Variants in CMSS1 observed in about 807,000 individuals in gnomAD.
The protein encoded by CMSS1 is protein CMSS1.
In CMSS1, 33 loss-of-function variants were observed where a neutral mutation model predicts 43.5. That is an observed-to-expected ratio of 0.76 (90% CI 0.57 to 1.01). The LOEUF (loss-of-function observed/expected upper bound fraction) is 1.01, where lower values mean the gene tolerates loss of function less well. Ranked by LOEUF, CMSS1 falls within the 50% of genes least tolerant of loss-of-function variation. The pLI, the probability that CMSS1 is intolerant of heterozygous loss-of-function variation, is 0.00. For missense variants in CMSS1, 313 were observed against 326.4 expected (o/e 0.96, Z 0.32); for synonymous variants, 115 against 117.2 (o/e 0.98, Z 0.12).
rs1462097998 is a variant in CMSS1, at chr3:99,999,256, G to A, written c.65-147717G>A. ...TGTGATAAGCTCTCACTGTAGCAAG[G>A]AGGAAAAAGAGGGGCACTGTCTCAT... On this transcript the variant is annotated intron_variant, in intron 1 of 9. Coordinates refer to ENST00000421999, the MANE Select transcript of CMSS1 (RefSeq NM_032359.4). 2.0e-5 allele frequency among the ~76,000 whole-genome samples: 3 copies of A among 152,184 alleles called. No individual in the cohort carries two copies. The East Asian group carries it at 5.8e-4, about 29-fold the overall frequency.
At chr3:100,134,744 G>A (rs919522166) in intron 1 of CMSS1, among the ~76,000 whole-genome samples, 23 of 152,040 alleles carry the variant, frequency 1.5e-4, no homozygotes, top group Admixed American at 7.9e-4. Flanking sequence ...GGAGGCTGCC[G>A]GCCACATGTA....
intron 1 of CMSS1, chr3:100,051,318 T>C (rs2065367914): frequency 6.6e-6 from 1 of 152,028 alleles, no homozygotes; most frequent in Non-Finnish European, 1.5e-5. Flanking sequence ...TAAATAATTT[T>C]ATTTCAAAAT....
chr3:99,937,183 C>T lies in CMSS1; in HGVS notation c.64+119140C>T, dbSNP rs974733508. Reference sequence around the variant, plus strand: ...GAACTCCTGACCACAGGTGATCCACCCGCCTCAGCCTCCCAAAGTGCTGGG... The same window carrying T: ...GAACTCCTGACCACAGGTGATCCACTCGCCTCAGCCTCCCAAAGTGCTGGG... On this transcript the variant is annotated intron_variant, in intron 1 of 9. Transcript: ENST00000421999. 9.2e-5 allele frequency among the ~76,000 whole-genome samples: 14 copies of T among 152,112 alleles called. 1 individual carries two copies. The highest frequency in any genetic ancestry group is 8.5e-4 in the Admixed American group (13 of 15,286).
intron 1 of CMSS1, among the ~76,000 whole-genome samples, chr3:99,924,937 A>G (rs1707243857): frequency 6.6e-6 from 1 of 152,216 alleles, no homozygotes; most frequent in Non-Finnish European, 1.5e-5. Flanking sequence ...TCTTGACAGA[A>G]TAATCTGTGT....
chr3:99,923,231 A>G (rs1707180533), intron 1 of CMSS1, among the ~76,000 whole-genome samples: 1 of 152,156 alleles, frequency 6.6e-6, no homozygotes, highest in African/African-American at 2.4e-5. Context: ...CACCTGCTGC[A>G]GGTCCATATC....
At chr3:99,884,715 A>G (rs1451865103) in intron 1 of CMSS1, among the ~76,000 whole-genome samples, 1 of 152,226 alleles carries the variant, frequency 6.6e-6, no homozygotes, top group Non-Finnish European at 1.5e-5. Context: ...ATCATGTGCG[A>G]ACTACTCCCA....
intron 1 of CMSS1, among the ~76,000 whole-genome samples, chr3:100,081,282 G>A (rs1191692108): frequency 1.3e-5 from 2 of 152,112 alleles, no homozygotes; most frequent in Admixed American, 6.5e-5. Context: ...AATAAAAATG[G>A]AGAACAAATC....
At chr3:99,832,441 A>G (rs1224095454) in intron 1 of CMSS1, among the ~76,000 whole-genome samples, 5 of 149,018 alleles carry the variant, frequency 3.4e-5, no homozygotes, top group Admixed American at 2.0e-4. Context: ...TGTGTTAGCC[A>G]GGATGATCTC....
At chr3:99,861,339 T>C (rs544846234) in intron 1 of CMSS1, among the ~76,000 whole-genome samples, 3 of 152,184 alleles carry the variant, frequency 2.0e-5, no homozygotes, top group South Asian at 2.1e-4. Flanking sequence ...GCCCTGTCCC[T>C]CTAGGGAGAA....
At chr3:100,124,323 G>A (rs376054870) in intron 1 of CMSS1, among the ~76,000 whole-genome samples, 2 of 152,180 alleles carry the variant, frequency 1.3e-5, no homozygotes, top group East Asian at 1.9e-4. Flanking sequence ...GAATAGGAAC[G>A]CTGTCACCAG....
chr3:99,817,888 G>GAT lies in CMSS1; in HGVS notation c.-92_-91insAT. 2.2e-6 allele frequency: 3 copies of GAT among 1,369,090 alleles called. No homozygotes were observed. The highest frequency in any genetic ancestry group is 1.0e-6 in the Non-Finnish European group (1 of 971,952). The allele number at this position is 1,369,090 out of a possible 1,614,324, so 84.8% of individuals were successfully genotyped here. A position where few individuals can be genotyped will look rare whatever the true frequency, so the allele number is the denominator to read the frequency against. On this transcript the variant is annotated 5_prime_UTR_variant, in exon 1 of 10. Coordinates refer to ENST00000421999, the MANE Select transcript of CMSS1 (RefSeq NM_032359.4). Reference sequence around the variant, plus strand: ...GTGTCTAGCGGGAGCTCCGCGTGTAGCTACGCCGGCCGCCTGGCTTTGAGA... The same window carrying GAT: ...GTGTCTAGCGGGAGCTCCGCGTGTAGATCTACGCCGGCCGCCTGGCTTTGAGA...
At chr3:99,861,527 A>C (rs1271141181) in intron 1 of CMSS1, among the ~76,000 whole-genome samples, 1 of 151,928 alleles carries the variant, frequency 6.6e-6, no homozygotes, top group East Asian at 1.9e-4. Context: ...CATTGTCTCC[A>C]TTCCTTCCTC....
At chr3:100,000,774 T>TTGG (rs777917047) in intron 1 of CMSS1, among the ~76,000 whole-genome samples, 9 of 152,240 alleles carry the variant, frequency 5.9e-5, no homozygotes, top group Non-Finnish European at 7.3e-5. Flanking sequence ...TGTTTACAGT[T>TTGG]TGGTGTTTAT....
intron 1 of CMSS1, among the ~76,000 whole-genome samples, chr3:100,137,997 T>C (rs1456234778): frequency 1.3e-5 from 2 of 152,136 alleles, no homozygotes; most frequent in Non-Finnish European, 2.9e-5. Context: ...AACAGACATA[T>C]AGTCCAATGG....
chr3:99,877,065 T>G (rs1488856331), intron 1 of CMSS1, among the ~76,000 whole-genome samples: 1 of 152,178 alleles, frequency 6.6e-6, no homozygotes, highest in Non-Finnish European at 1.5e-5. Context: ...TGGGGTAGAT[T>G]TACTTGTACA....
intron 1 of CMSS1, among the ~76,000 whole-genome samples, chr3:100,010,736 T>C (rs1357051702): frequency 6.7e-6 from 1 of 149,862 alleles, no homozygotes; most frequent in Non-Finnish European, 1.5e-5. Flanking sequence ...TGCCTCAGCC[T>C]CCTGAGTAGC....
intron 1 of CMSS1, among the ~76,000 whole-genome samples, chr3:100,129,361 A>C (rs900606834): frequency 6.6e-6 from 1 of 152,220 alleles, no homozygotes; most frequent in Admixed American, 6.5e-5. Context: ...GGGAAGAAGA[A>C]GGTTGAAGGA....
intron 1 of CMSS1, among the ~76,000 whole-genome samples, chr3:99,894,385 G>T (rs1284296172): frequency 6.6e-6 from 1 of 152,142 alleles, no homozygotes; most frequent in Non-Finnish European, 1.5e-5. Context: ...GGCCAGAGGT[G>T]GATTCACTGG....
chr3:99,888,096 T>C lies in CMSS1; in HGVS notation c.64+70053T>C, dbSNP rs562741202. On this transcript the variant is annotated intron_variant, in intron 1 of 9. Transcript: ENST00000421999. ...GGTACTATCTTCGGACAATTGGTGA[T>C]GTGGAGCAGCATCTATTGAAAAATT... Among the ~76,000 whole-genome samples, 6 of 152,316 alleles carry C rather than the reference T, an allele frequency of 3.9e-5. No homozygotes were observed. The South Asian group carries it at 1.2e-3, about 32-fold the overall frequency.
Sources: gnomAD v4.1 joint callset for allele counts (sites outside exome capture counted in the v4.1 genomes callset) on GRCh38, gnomAD v4.1.1 for gene constraint, MANE v1.5 for transcripts, NCBI Gene and HGNC (gene_info 2026-07-23, HGNC 2026-07-21) for gene names.